The following TLCD4 variants were observed in gnomAD, a reference collection of about 807,000 sequenced individuals.
TLCD4 encodes TLC domain-containing protein 4.
TLCD4 carries 7 observed loss-of-function variants against 24.2 expected under a neutral mutation model. The ratio of observed to expected loss-of-function variants is 0.29; its 90% confidence interval spans 0.16 to 0.54. The LOEUF is 0.54. Ranked by LOEUF, TLCD4 falls within the 20% of genes least tolerant of loss-of-function variation. The pLI is 0.95. For missense variants in TLCD4, 259 were observed against 313.9 expected (o/e 0.82, Z 1.32); for synonymous variants, 103 against 106.4 (o/e 0.97, Z 0.20).
intron 6 of TLCD4, among the ~76,000 whole-genome samples, chr1:95,183,569 T>G (rs554218796): frequency 1.3e-5 from 2 of 152,322 alleles, no homozygotes; most frequent in East Asian, 3.9e-4. Flanking sequence ...CCAGGTGTGG[T>G]GGCTCACGCC....
chr1:95,117,874 G>T (rs1676471908), intron 1 of TLCD4: 1 of 151,466 alleles, frequency 6.6e-6, no homozygotes, highest in South Asian at 2.1e-4. Flanking sequence ...GGGCCACGGC[G>T]TCGCTCCGGG....
At chr1:95,153,568 T>A (rs1235268988) in intron 5 of TLCD4, among the ~76,000 whole-genome samples, 1 of 152,164 alleles carries the variant, frequency 6.6e-6, no homozygotes, top group Non-Finnish European at 1.5e-5. Flanking sequence ...TTATCACATC[T>A]GCTAAAACAG....
At chr1:95,101,033 A>G in the TLCD4 span, among the ~76,000 whole-genome samples, 2 of 151,026 alleles carry the variant, frequency 1.3e-5, no homozygotes, top group Non-Finnish European at 1.5e-5. Context: ...TCAGCCTCCC[A>G]AGTAGCTGGG....
At chr1:95,099,053 C>CAAAAAAAAAAAAAAAAAAAA in the TLCD4 span, among the ~76,000 whole-genome samples, 1 of 70,654 alleles carries the variant, frequency 1.4e-5, no homozygotes, top group Non-Finnish European at 2.6e-5. Flanking sequence ...AACTCTGTCT[C>CAAAAAAAAAAAAAAAAAAAA]AAAAAAAAAA....
At chr1:95,131,199 C>T (rs967480155) in intron 1 of TLCD4, among the ~76,000 whole-genome samples, 3 of 151,982 alleles carry the variant, frequency 2.0e-5, no homozygotes, top group Admixed American at 6.6e-5. Flanking sequence ...CTGTTTAAGT[C>T]GCAGCTGTAA....
chr1:95,126,147 C>G (rs1410174316), intron 1 of TLCD4, among the ~76,000 whole-genome samples: 2 of 151,132 alleles, frequency 1.3e-5, no homozygotes, highest in African/African-American at 4.9e-5. Flanking sequence ...AAAAAAGAGG[C>G]CAAGCGCAGT....
intron 1 of TLCD4, among the ~76,000 whole-genome samples, chr1:95,137,022 A>ATATAAGCAGT (rs1413146090): frequency 6.6e-6 from 1 of 152,074 alleles, no homozygotes; most frequent in Non-Finnish European, 1.5e-5. Context: ...GGTGAAATCT[A>ATATAAGCAGT]GTTGCACACA....
chr1:95,097,601 T>C, the TLCD4 span, among the ~76,000 whole-genome samples: 1 of 151,666 alleles, frequency 6.6e-6, no homozygotes, highest in African/African-American at 2.4e-5. Context: ...TCCACAGGAG[T>C]AGTGTAAATA....
intron 5 of TLCD4, among the ~76,000 whole-genome samples, chr1:95,151,797 T>A (rs1444974083): frequency 6.6e-6 from 1 of 152,160 alleles, no homozygotes; most frequent in Non-Finnish European, 1.5e-5. Context: ...TAATTCCATG[T>A]GCAATTACAT....
chr1:95,106,262 A>T, the TLCD4 span, among the ~76,000 whole-genome samples: 1 of 152,224 alleles, frequency 6.6e-6, no homozygotes, highest in Non-Finnish European at 1.5e-5. Context: ...ACTTCATTTC[A>T]ATTTGATATG....
chr1:95,096,985 A>T, the TLCD4 span, among the ~76,000 whole-genome samples: 1 of 151,782 alleles, frequency 6.6e-6, no homozygotes, highest in Non-Finnish European at 1.5e-5. Flanking sequence ...CCATGAAGTT[A>T]CTCTGCCATC....
At chr1:95,128,107 G>A (rs1310431925) in intron 1 of TLCD4, among the ~76,000 whole-genome samples, 7 of 152,126 alleles carry the variant, frequency 4.6e-5, no homozygotes, top group South Asian at 2.1e-4. Flanking sequence ...AAAAGTTTTC[G>A]GTGGAGTGAG....
At position 95,173,839 on chromosome 1, in the gene TLCD4, T is replaced by A. The variant is rs768962769; in HGVS notation, c.423T>A (p.Ile141=). ...AGAAAAATGGAGTGCTGGCATACAT[T>A]GGGAATTTTCGCCTGCTTGCAGAGC... ...LVLKNGVLAY[I]GNFRLLAELS... Residue 141 remains isoleucine (I), a synonymous_variant, in exon 6 of 7, where the codon ATT becomes ATA. Transcript: ENST00000370203. The A allele has an allele frequency of 6.2e-7, 1 of 1,614,192 alleles. No homozygotes were observed. Among genetic ancestry groups the A allele is most frequent in the Non-Finnish European group, 8.5e-7 (1 of 1,180,030 alleles).
chr1:95,115,070 GAT>G (rs912349192), upstream of TLCD4, among the ~76,000 whole-genome samples: 2 of 111,300 alleles, frequency 1.8e-5, no homozygotes, highest in East Asian at 2.4e-4. Context: ...TAATGAACTG[GAT>G]ATATATATAT....
chr1:95,159,046 T>C (rs1437695838), intron 5 of TLCD4, among the ~76,000 whole-genome samples: 3 of 152,194 alleles, frequency 2.0e-5, no homozygotes, highest in African/African-American at 7.2e-5. Flanking sequence ...CTGGGTCAAA[T>C]GGTATTTCTA....
upstream of TLCD4, among the ~76,000 whole-genome samples, chr1:95,116,963 T>C (rs1239016089): frequency 2.0e-5 from 3 of 152,202 alleles, no homozygotes; most frequent in African/African-American, 7.2e-5. Context: ...GCAGTTGCCT[T>C]TTCATCTCTT....
chr1:95,139,595 AC>A (rs1388254195), intron 1 of TLCD4, among the ~76,000 whole-genome samples: 1 of 151,252 alleles, frequency 6.6e-6, no homozygotes, highest in Non-Finnish European at 1.5e-5. Flanking sequence ...AGTTGGTGAG[AC>A]TACAGGCATG....
At position 95,178,514 on chromosome 1, in the gene TLCD4, C is replaced by T. The variant is rs529361786; in HGVS notation, c.473+4625C>T. On this transcript the variant is annotated intron_variant, in intron 6 of 6. Transcript: ENST00000370203. ...CTGACCTCAGGTGATCCACCCACCT[C>T]GGCCTCCCAAAATGCTGGGATTACA... Among the ~76,000 whole-genome samples, 7 of 151,250 alleles carry T rather than the reference C, an allele frequency of 4.6e-5. No individual in the cohort carries two copies. The East Asian group carries it at 1.2e-3, about 25-fold the overall frequency.
rs1288568411 is a variant in TLCD4 at position 95,190,316 on chromosome 1, T to G, written c.474-1234T>G. Among the ~76,000 whole-genome samples, 6 of 131,466 alleles carry G rather than the reference T, an allele frequency of 4.6e-5. 1 individual carries two copies. The highest frequency in any genetic ancestry group is 3.1e-4 in the Admixed American group (4 of 12,874). The allele number at this position is 131,466 out of a possible 152,430, so 86.2% of individuals were successfully genotyped here. ...TGGGGTTTCGCCATTTTGGCCACAT[T>G]GGTTTCTTTTCTTTTCTTTTCTTTT... On this transcript the variant is annotated intron_variant, in intron 6 of 6. Coordinates refer to ENST00000370203, the MANE Select transcript of TLCD4 (RefSeq NM_152487.3).
Sources: gnomAD v4.1 joint callset for allele counts (sites outside exome capture counted in the v4.1 genomes callset) on GRCh38, gnomAD v4.1.1 for gene constraint, MANE v1.5 for transcripts, NCBI Gene and HGNC (gene_info 2026-07-23, HGNC 2026-07-21) for gene names.